CASZ1: variants seen among roughly 807,000 people sequenced by gnomAD.
The protein encoded by CASZ1 is castor zinc finger 1.
CASZ1 carries 28 observed loss-of-function variants against 135.2 expected under a neutral mutation model. The observed-to-expected ratio is 0.21, with a 90% CI of 0.15 to 0.28. CASZ1 has a LOEUF of 0.28. Among genes scored for constraint, CASZ1 ranks in the 10% least tolerant of loss-of-function variants. CASZ1 has a pLI of 1.00. For missense variants in CASZ1, 2,161 were observed against 2,453.3 expected (o/e 0.88, Z 2.52); for synonymous variants, 1,068 against 1,073.4 (o/e 0.99, Z 0.10).
intron 2 of CASZ1, among the ~76,000 whole-genome samples, chr1:10,723,016 G>A (rs1396956911): frequency 1.3e-5 from 2 of 152,250 alleles, no homozygotes; most frequent in South Asian, 2.1e-4. Context: ...GTGCGCCCAC[G>A]GCAGCTGAGC....
rs185622549 is a variant in CASZ1 at position 10,794,729 on chromosome 1, C to T, written c.-234+1835G>A. On this transcript the variant is annotated intron_variant, in intron 1 of 20. Coordinates refer to ENST00000377022, the MANE Select transcript of CASZ1 (RefSeq NM_001079843.3). The surrounding 1 kb of genome is among the most constrained non-coding windows in gnomAD (Gnocchi z 5.6). Reference sequence around the variant, plus strand: ...CTTGGAAGAAGAATCTGCGCCCACCCCTTAGAGAAAAATCTATTATTATTA... The same window carrying T: ...CTTGGAAGAAGAATCTGCGCCCACCTCTTAGAGAAAAATCTATTATTATTA... Among the ~76,000 whole-genome samples, 591 of 152,346 alleles carry T rather than the reference C, an allele frequency of 3.9e-3. 6 individuals are homozygous for T. Among genetic ancestry groups the T allele is most frequent in the African/African-American group, 0.013 (551 of 41,586 alleles).
Position 10,638,881 on chromosome 1 carries a change from G to C in CASZ1, c.*61C>G. On this transcript the variant is annotated 3_prime_UTR_variant, in exon 21 of 21. Coordinates refer to ENST00000377022, the MANE Select transcript of CASZ1 (RefSeq NM_001079843.3). This position sits in a 1 kb window ranked among gnomAD's most constrained non-coding sequence, Gnocchi z 5.9. Reference sequence around the variant, plus strand: ...GCTCTGCCCAGGGGCCGCTTCGCGCGGGGCGGCGCCGCTCCCGAGGCCGAG... The same window carrying C: ...GCTCTGCCCAGGGGCCGCTTCGCGCCGGGCGGCGCCGCTCCCGAGGCCGAG... 1 of 981,956 alleles carries C rather than the reference G, an allele frequency of 1.0e-6. No homozygotes were observed. Among genetic ancestry groups the C allele is most frequent in the East Asian group, 1.2e-4 (1 of 8,660 alleles). The allele number at this position is 981,956 out of a possible 1,614,324, so 60.8% of individuals were successfully genotyped here. A position where few individuals can be genotyped will look rare whatever the true frequency, so the allele number is the denominator to read the frequency against.
chr1:10,684,263 G>C (rs1477192227), intron 4 of CASZ1, among the ~76,000 whole-genome samples: 1 of 152,080 alleles, frequency 6.6e-6, no homozygotes, highest in Non-Finnish European at 1.5e-5. Context: ...TGTTTGGGGG[G>C]AGAAGGCTCA....
intron 2 of CASZ1, among the ~76,000 whole-genome samples, chr1:10,760,340 C>G (rs1370139284): frequency 6.6e-6 from 1 of 152,208 alleles, no homozygotes; most frequent in African/African-American, 2.4e-5. Flanking sequence ...TGGTCCTTGG[C>G]CACAAAGCCT....
At chr1:10,695,409 A>T (rs1461867914) in intron 3 of CASZ1, among the ~76,000 whole-genome samples, 1 of 151,944 alleles carries the variant, frequency 6.6e-6, no homozygotes, top group African/African-American at 2.4e-5. Context: ...ACGAATGGAG[A>T]TCGGCGCCCC....
rs72641470 is a variant in CASZ1, at chr1:10,693,656, C to G, written c.16+218G>C. Among the ~76,000 whole-genome samples, 105 of 152,240 alleles carry G rather than the reference C, an allele frequency of 6.9e-4. 1 individual carries two copies. The highest frequency in any genetic ancestry group is 7.6e-4 in the Non-Finnish European group (52 of 68,002). The stretch of plus-strand genomic sequence containing the variant: ...CTCTCGGTTCTTTCATAATGACAAG[C>G]ATCACATTAGTCACAGCCTCTAAGC... On this transcript the variant is annotated intron_variant, in intron 4 of 20. Coordinates refer to ENST00000377022, the MANE Select transcript of CASZ1 (RefSeq NM_001079843.3).
rs1640667066 is a variant in CASZ1 at position 10,776,711 on chromosome 1, A to G, written c.-233-15854T>C. Among the ~76,000 whole-genome samples the G allele has an allele frequency of 6.6e-6, 1 of 152,178 alleles. No individual in the cohort carries two copies. The highest frequency in any genetic ancestry group is 1.5e-5 in the Non-Finnish European group (1 of 68,020). ...TGGGAGAGGGTTGGCTGCATGGCAC[A>G]GCTGCGGACTCCAGACGGTGGCAAG... On this transcript the variant is annotated intron_variant, in intron 1 of 20. Coordinates refer to ENST00000377022, the MANE Select transcript of CASZ1 (RefSeq NM_001079843.3). The surrounding 1 kb of genome is among the most constrained non-coding windows in gnomAD (Gnocchi z 4.1).
Position 10,709,430 on chromosome 1 carries a change from G to T in CASZ1, c.-76-3886C>A, listed in dbSNP as rs1639241164. Reference sequence around the variant, plus strand: ...AACAGGGGCAGCGTCATGGAAACGGGCACTTTCCCGGAGAAATATTCTGTT... The same window carrying T: ...AACAGGGGCAGCGTCATGGAAACGGTCACTTTCCCGGAGAAATATTCTGTT... On this transcript the variant is annotated intron_variant, in intron 2 of 20. Coordinates refer to ENST00000377022, the MANE Select transcript of CASZ1 (RefSeq NM_001079843.3). The surrounding 1 kb of genome is among the most constrained non-coding windows in gnomAD (Gnocchi z 5.1). Among the ~76,000 whole-genome samples, 1 of 152,192 alleles carries T rather than the reference G, an allele frequency of 6.6e-6. No individual in the cohort carries two copies. The highest frequency in any genetic ancestry group is 1.5e-5 in the Non-Finnish European group (1 of 68,038).
At chr1:10,659,558 TGC>T in intron 6 of CASZ1, 142 bp downstream of exon 6, 24 of 656,752 alleles carry the variant, frequency 3.7e-5, no homozygotes, top group Admixed American at 1.6e-4. Flanking sequence ...AGCCTGAGTG[TGC>T]ACGCGCCTGG....
At chr1:10,743,350 G>A (rs1462457188) in intron 2 of CASZ1, among the ~76,000 whole-genome samples, 1 of 151,422 alleles carries the variant, frequency 6.6e-6, no homozygotes, top group Non-Finnish European at 1.5e-5. Flanking sequence ...GGTCGGAGAA[G>A]GAGACTACAT....
At chr1:10,654,648 G>A in intron 9 of CASZ1, 57 bp from the exon 10 acceptor site, 1 of 1,550,918 alleles carries the variant, frequency 6.4e-7, no homozygotes, top group Non-Finnish European at 8.8e-7. Context: ...CTGGGCCGAG[G>A]TCGACACCAC....
In CASZ1 at chr1:10,678,512, C is replaced by T. The variant is rs368670950; in HGVS notation, c.17-12941G>A. ...CCGCCCCCGCGAGGGGGCCCGAGGC[C>T]GGGGCTGAAGATCCCAGTGTCCTCT... On this transcript the variant is annotated intron_variant, in intron 4 of 20. Transcript: ENST00000377022. Among the ~76,000 whole-genome samples, 1,212 of 152,234 alleles carry T rather than the reference C, an allele frequency of 8.0e-3. 14 individuals are homozygous for T. The highest frequency in any genetic ancestry group is 0.026 in the African/African-American group (1,085 of 41,542).
intron 2 of CASZ1, among the ~76,000 whole-genome samples, chr1:10,716,255 C>G (rs1639391380): frequency 6.6e-6 from 1 of 151,780 alleles, no homozygotes. Context: ...CCCCATAGCA[C>G]CCAATCCCCA....
At position 10,653,546 on chromosome 1, in the gene CASZ1, G is replaced by A. The variant is rs946534217; in HGVS notation, c.2511C>T (p.Pro837=). Residue 837 remains proline (P), a synonymous_variant, in exon 11 of 21, where the codon CCC becomes CCT. Coordinates refer to ENST00000377022, the MANE Select transcript of CASZ1 (RefSeq NM_001079843.3). ...GSAASATPDT[P]TLVASGAGDS... is the part of the protein sequence containing the mutation. ...CTCCAGCTCCCGAGGCGACCAGCGT[G>A]GGTGTGTCAGGGGTGGCTGAGGCTG... 20 of 1,592,506 alleles carry A rather than the reference G, an allele frequency of 1.3e-5. No individual in the cohort carries two copies. Among genetic ancestry groups the A allele is most frequent in the African/African-American group, 2.7e-5 (2 of 74,656 alleles).
chr1:10,639,258 G>A lies in CASZ1; in HGVS notation c.4964C>T (p.Ala1655Val), dbSNP rs1336382035. 3.1e-5 allele frequency: 30 copies of A among 969,872 alleles called. No homozygotes were observed. Among genetic ancestry groups the A allele is most frequent in the Non-Finnish European group, 3.7e-5 (30 of 813,074 alleles). 60.1% of individuals were successfully genotyped at this position (969,872 alleles called of 1,614,324 possible). A position where few individuals can be genotyped will look rare whatever the true frequency, so the allele number is the denominator to read the frequency against. The part of the protein sequence containing the change: ...DAGDPGPPDA[A>V]APGPREGAAA... ...GGCGCCCTCGCGCGGCCCGGGGGCGGCGGCGTCGGGCGGGCCGGGGTCGCC... is the reference window on the plus strand; with the variant it reads ...GGCGCCCTCGCGCGGCCCGGGGGCGACGGCGTCGGGCGGGCCGGGGTCGCC... Residue 1655 changes from alanine (A) to valine (V), a missense_variant, in exon 21 of 21, where the codon GCC (alanine) becomes GTC (valine). Physicochemically the swap from Ala to Val is moderately conservative, Grantham distance 64. This residue lies in a region of CASZ1 where 185 missense variants were observed against 134.7 expected (regional missense o/e 1.37). Transcript: ENST00000377022. The surrounding 1 kb of genome is among the most constrained non-coding windows in gnomAD (Gnocchi z 4.0).
chr1:10,729,163 C>T (rs1639652573), intron 2 of CASZ1, among the ~76,000 whole-genome samples: 1 of 152,154 alleles, frequency 6.6e-6, no homozygotes, highest in Admixed American at 6.5e-5. Context: ...CCCCCAGGCC[C>T]TCGGCGTTGA....
intron 4 of CASZ1, among the ~76,000 whole-genome samples, chr1:10,678,549 G>A (rs1391438456): frequency 6.6e-6 from 1 of 152,150 alleles, no homozygotes; most frequent in African/African-American, 2.4e-5. Context: ...AGCCCACCCA[G>A]CTCCCCCACC....
chr1:10,703,052 G>A (rs1329256000), intron 3 of CASZ1, among the ~76,000 whole-genome samples: 4 of 151,786 alleles, frequency 2.6e-5, no homozygotes, highest in East Asian at 3.9e-4. Context: ...ATAGAGGGAT[G>A]CAGAGAGGAG....
chr1:10,672,642 T>G (rs1336321324), intron 4 of CASZ1, among the ~76,000 whole-genome samples: 1 of 152,262 alleles, frequency 6.6e-6, no homozygotes, highest in Non-Finnish European at 1.5e-5. Flanking sequence ...TCATCTTTTT[T>G]ATTGTTTTTC....
Sources: gnomAD v4.1 joint callset for allele counts (sites outside exome capture counted in the v4.1 genomes callset) on GRCh38, gnomAD v4.1.1 for gene constraint, gnomAD v4.1.1 regional missense constraint, Gnocchi (gnomAD v3.1) non-coding constraint, MANE v1.5 for transcripts, NCBI Gene and HGNC (gene_info 2026-07-23, HGNC 2026-07-21) for gene names.